Variants in MME observed in about 807,000 individuals in gnomAD.
The protein encoded by MME is neprilysin.
MME carries 98 observed loss-of-function variants against 113.2 expected under a neutral mutation model. That is an observed-to-expected ratio of 0.87 (90% confidence interval 0.74 to 1.02). MME has a LOEUF of 1.02. Ranked by LOEUF, MME falls within the 50% of genes least tolerant of loss-of-function variation. The pLI, the probability that MME is intolerant of heterozygous loss-of-function variation, is 0.00. For missense variants in MME, 836 were observed against 896.0 expected, an observed-to-expected ratio of 0.93 and a Z score of 0.86; for synonymous variants, 292 against 300.6, an observed-to-expected ratio of 0.97 and a Z score of 0.30.
chr3:155,063,363 A>T (rs1298329632), intron 1 of MME, among the ~76,000 whole-genome samples: 1 of 105,536 alleles, frequency 9.5e-6, no homozygotes, highest in Non-Finnish European at 1.7e-5. Context: ...TATTATATTT[A>T]TATATATTTA....
chr3:155,174,817 A>G (rs1283116394), intron 22 of MME, among the ~76,000 whole-genome samples: 2 of 152,124 alleles, frequency 1.3e-5, no homozygotes, highest in Non-Finnish European at 2.9e-5. Flanking sequence ...AATTCTAAGG[A>G]TAGCAGCTAG....
chr3:155,093,017 A>G (rs1276906016), intron 3 of MME, among the ~76,000 whole-genome samples: 7 of 151,786 alleles, frequency 4.6e-5, no homozygotes, highest in African/African-American at 1.7e-4. Flanking sequence ...AATCGGGTGA[A>G]TTTTATGGTA....
At chr3:155,036,404 T>A in intron 1 of MME, among the ~76,000 whole-genome samples, 1 of 152,122 alleles carries the variant, frequency 6.6e-6, no homozygotes, top group Admixed American at 6.6e-5. Flanking sequence ...CCAACATTTG[T>A]CTTGAGTCCT....
At chr3:155,078,659 ATGTGTGTG>A (rs5853711), upstream of MME, among the ~76,000 whole-genome samples, 30 of 141,920 alleles carry the variant, frequency 2.1e-4, no homozygotes, top group Non-Finnish European at 2.9e-4. Flanking sequence ...ATGTGTGTGT[ATGTGTGTG>A]TGTGTGTGTG....
At chr3:155,028,366 G>C (rs1342340107) in intron 1 of MME, among the ~76,000 whole-genome samples, 1 of 152,214 alleles carries the variant, frequency 6.6e-6, no homozygotes, top group East Asian at 1.9e-4. Flanking sequence ...CATGTTGAAA[G>C]GAGCCAGCCA....
At chr3:155,137,140 A>T (rs1262530188) in intron 8 of MME, among the ~76,000 whole-genome samples, 4 of 152,188 alleles carry the variant, frequency 2.6e-5, no homozygotes, top group Non-Finnish European at 4.4e-5. Context: ...TGTGAAGATA[A>T]AATATAAATA....
chr3:155,168,334 C>T (rs1711547584), intron 18 of MME, among the ~76,000 whole-genome samples, 158 bp from the exon 19 acceptor site: 1 of 152,172 alleles, frequency 6.6e-6, no homozygotes, highest in Admixed American at 6.5e-5. Flanking sequence ...CAGGCTTTGC[C>T]AACTCTGTGA....
intron 1 of MME, among the ~76,000 whole-genome samples, chr3:155,042,940 G>GTATATATATATA (rs57585504): frequency 3.7e-5 from 2 of 53,576 alleles, no homozygotes; most frequent in African/African-American, 1.5e-4. Context: ...ATATATATAT[G>GTATATATATATA]TATATATATA....
rs755092137 is a variant in MME at position 155,172,585 on chromosome 3, C to G, written c.2126C>G (p.Thr709Arg). The stretch of plus-strand genomic sequence containing the variant: ...GAGTATGCGGTTAACTCCATTAAAA[C>G]AGATGTGCACAGTCCAGGCAATTTC... ...RPEYAVNSIK[T>R]DVHSPGNFRI... is the part of the protein sequence containing the mutation. Residue 709 changes from threonine to arginine, a missense_variant, in exon 22 of 23, where the codon ACA (threonine) becomes AGA (arginine). By Grantham distance (71) the Thr-to-Arg change is moderately conservative. Transcript: ENST00000360490. 2 of 1,612,970 alleles carry G rather than the reference C, an allele frequency of 1.2e-6. No homozygotes were observed. Among genetic ancestry groups the G allele is most frequent in the South Asian group, 1.1e-5 (1 of 91,070 alleles).
At chr3:155,071,533 C>T (rs1332695380) in intron 1 of MME, among the ~76,000 whole-genome samples, 1 of 152,200 alleles carries the variant, frequency 6.6e-6, no homozygotes, top group East Asian at 1.9e-4. Context: ...TTTCTCCCAT[C>T]ATCACAATTA....
chr3:155,058,565 A>C (rs1047965293), intron 1 of MME, among the ~76,000 whole-genome samples: 1 of 152,240 alleles, frequency 6.6e-6, no homozygotes, highest in African/African-American at 2.4e-5. Flanking sequence ...AGAACAAATA[A>C]GCATTTAACT....
intron 1 of MME, among the ~76,000 whole-genome samples, chr3:155,056,630 A>G (rs993267547): frequency 2.6e-5 from 4 of 151,770 alleles, no homozygotes; most frequent in African/African-American, 9.7e-5. Context: ...TAGTGCCGCA[A>G]TAAACATACG....
chr3:155,115,281 T>C (rs1559927042), intron 4 of MME, 126 bp downstream of exon 4: 8 of 1,165,768 alleles, frequency 6.9e-6, no homozygotes, highest in Non-Finnish European at 9.9e-6. Flanking sequence ...CCTTCCAGGA[T>C]TTGTGTACCA....
chr3:155,063,615 A>ATATATAATATATTATATTTGATTATATAT (rs1380606341), intron 1 of MME, among the ~76,000 whole-genome samples: 2 of 110,950 alleles, frequency 1.8e-5, no homozygotes, highest in African/African-American at 6.4e-5. Flanking sequence ...TGATTATATA[A>ATATATAATATATTATATTTGATTATATAT]TATATAATAT....
At chr3:155,154,866 C>A (rs12053875) in intron 16 of MME, among the ~76,000 whole-genome samples, 3 of 152,024 alleles carry the variant, frequency 2.0e-5, no homozygotes, top group Non-Finnish European at 4.4e-5. Flanking sequence ...TAAATGTAGA[C>A]GGAGATGATT....
intron 22 of MME, among the ~76,000 whole-genome samples, chr3:155,179,481 G>A (rs979769598): frequency 2.6e-5 from 4 of 152,158 alleles, no homozygotes; most frequent in African/African-American, 4.8e-5. Flanking sequence ...CACCTGCCAC[G>A]TAGGGAGAAT....
intron 22 of MME, among the ~76,000 whole-genome samples, chr3:155,176,558 C>T (rs553660386): frequency 6.6e-6 from 1 of 152,218 alleles, no homozygotes; most frequent in South Asian, 2.1e-4. Flanking sequence ...GGCACAGTCA[C>T]TCACACTTGT....
chr3:155,061,095 C>T (rs547089422), intron 1 of MME, among the ~76,000 whole-genome samples: 1 of 152,164 alleles, frequency 6.6e-6, no homozygotes, highest in Admixed American at 6.5e-5. Context: ...TATACATTAT[C>T]AAATGATCAT....
At chr3:155,178,882 G>A (rs1228621028) in intron 22 of MME, among the ~76,000 whole-genome samples, 1 of 152,164 alleles carries the variant, frequency 6.6e-6, no homozygotes, top group African/African-American at 2.4e-5. Flanking sequence ...CCCCACATAT[G>A]TTCAGCCGCA....
Sources: gnomAD v4.1 joint callset for allele counts (sites outside exome capture counted in the v4.1 genomes callset) on GRCh38, gnomAD v4.1.1 for gene constraint, MANE v1.5 for transcripts, NCBI Gene and HGNC (gene_info 2026-07-23, HGNC 2026-07-21) for gene names.